The following EPHB1 variants were observed in gnomAD, a reference collection of about 807,000 sequenced individuals.
The protein encoded by EPHB1 is ephrin type-B receptor 1.
Under a neutral mutation model 94.4 loss-of-function variants are expected in EPHB1, and 30 were observed. The ratio of observed to expected loss-of-function variants is 0.32; its 90% CI spans 0.24 to 0.43. EPHB1 has a LOEUF of 0.43. EPHB1 is among the 20% of genes least tolerant of loss of function. EPHB1 has a pLI of 1.00. For synonymous variants in EPHB1, 522 were observed against 489.1 expected (o/e 1.07, Z -0.89); for missense variants, 1,055 against 1,308.3 (o/e 0.81, Z 2.99).
intron 2 of EPHB1, among the ~76,000 whole-genome samples, chr3:134,939,049 A>T (rs547174945): frequency 1.3e-5 from 2 of 152,182 alleles, no homozygotes; most frequent in African/African-American, 4.8e-5. Context: ...GCTTGAAGCC[A>T]CTTTCTCCAC....
At chr3:135,042,830 T>C (rs1936893523) in intron 3 of EPHB1, among the ~76,000 whole-genome samples, 3 of 152,086 alleles carry the variant, frequency 2.0e-5, no homozygotes, top group Admixed American at 2.0e-4. Flanking sequence ...CATGTATGTA[T>C]TTATTTATTT....
intron 3 of EPHB1, among the ~76,000 whole-genome samples, chr3:135,030,964 C>T (rs1016326771): frequency 1.6e-4 from 24 of 152,166 alleles, no homozygotes; most frequent in African/African-American, 5.8e-4. Flanking sequence ...GCGCAGTATT[C>T]GGGTGGGTGT....
intron 2 of EPHB1, among the ~76,000 whole-genome samples, chr3:134,929,184 G>C (rs984832934): frequency 3.1e-4 from 47 of 152,132 alleles, no homozygotes; most frequent in South Asian, 2.1e-4. Flanking sequence ...GCAAGACAGA[G>C]ATAAAGGCAC....
At chr3:135,170,362 G>A (rs1941769932) in intron 9 of EPHB1, among the ~76,000 whole-genome samples, 1 of 152,178 alleles carries the variant, frequency 6.6e-6, no homozygotes, top group Non-Finnish European at 1.5e-5. Flanking sequence ...TTCCTCCTCA[G>A]AACCTGGAGC....
At chr3:135,115,687 A>G (rs1334787651) in intron 4 of EPHB1, among the ~76,000 whole-genome samples, 1 of 151,552 alleles carries the variant, frequency 6.6e-6, no homozygotes, top group African/African-American at 2.4e-5. Context: ...TCTCAGCTCC[A>G]CTCCTTCCTC....
At chr3:135,005,891 A>T (rs936185824) in intron 3 of EPHB1, among the ~76,000 whole-genome samples, 1 of 152,238 alleles carries the variant, frequency 6.6e-6, no homozygotes, top group African/African-American at 2.4e-5. Context: ...CCAGTACCTC[A>T]GATGGAAATG....
At chr3:135,002,044 C>T (rs963328279) in intron 3 of EPHB1, among the ~76,000 whole-genome samples, 14 of 152,024 alleles carry the variant, frequency 9.2e-5, no homozygotes, top group Non-Finnish European at 1.6e-4. Context: ...AGAGATGAAT[C>T]GATAAACAAA....
intron 3 of EPHB1, among the ~76,000 whole-genome samples, chr3:135,045,871 T>C (rs949205985): frequency 6.6e-6 from 1 of 152,242 alleles, no homozygotes; most frequent in Non-Finnish European, 1.5e-5. Flanking sequence ...GGTTTAAGAT[T>C]CCACACTGCA....
At chr3:135,176,188 T>C (rs9873553) in intron 9 of EPHB1, among the ~76,000 whole-genome samples, 149,483 of 152,170 alleles carry the variant, frequency 0.98, 73,433 homozygotes, top group East Asian at 1. Flanking sequence ...GTCACTCTCC[T>C]GATTTAGAAC....
intron 3 of EPHB1, among the ~76,000 whole-genome samples, chr3:135,099,992 C>T (rs1938972655): frequency 6.6e-6 from 1 of 152,162 alleles, no homozygotes. Context: ...CTGAGCTGCA[C>T]CTGCCTTGAG....
At chr3:135,139,251 T>G (rs1382462663) in intron 5 of EPHB1, among the ~76,000 whole-genome samples, 1 of 152,178 alleles carries the variant, frequency 6.6e-6, no homozygotes, top group Admixed American at 6.5e-5. Context: ...CCACTGTGGC[T>G]CCTTGCAGGA....
chr3:134,882,812 T>C (rs1282965117), intron 1 of EPHB1, among the ~76,000 whole-genome samples: 9 of 83,922 alleles, frequency 1.1e-4, no homozygotes, highest in African/African-American at 3.6e-4. Context: ...CTTTCTTTCT[T>C]TCTTTCTTTC....
At chr3:134,883,818 C>G (rs910455225) in intron 1 of EPHB1, among the ~76,000 whole-genome samples, 2 of 152,216 alleles carry the variant, frequency 1.3e-5, no homozygotes, top group African/African-American at 4.8e-5. Flanking sequence ...AGGGCAGATA[C>G]TGCCCTGCCT....
chr3:135,151,383 C>G (rs6764962), intron 5 of EPHB1, among the ~76,000 whole-genome samples: 1 of 152,034 alleles, frequency 6.6e-6, no homozygotes, highest in Non-Finnish European at 1.5e-5. Flanking sequence ...GCTCCAGATA[C>G]CCACTCAGCT....
chr3:134,963,153 C>T (rs1291818964), intron 3 of EPHB1, among the ~76,000 whole-genome samples: 3 of 144,736 alleles, frequency 2.1e-5, no homozygotes. Context: ...TTCCTTCCTT[C>T]CTTCCTTCCT....
intron 15 of EPHB1, among the ~76,000 whole-genome samples, chr3:135,256,910 TC>T (rs1418976516): frequency 6.7e-6 from 1 of 148,332 alleles, no homozygotes; most frequent in Admixed American, 6.7e-5. Context: ...GAGGCTTTGC[TC>T]ATTTCTTTTT....
chr3:135,252,477 G>A (rs1337198162), intron 15 of EPHB1, among the ~76,000 whole-genome samples: 1 of 147,268 alleles, frequency 6.8e-6, no homozygotes, highest in Non-Finnish European at 1.5e-5. Flanking sequence ...TTGGTTTTTT[G>A]TTCTCCCGAT....
rs917282659 is a variant in EPHB1 at position 135,021,497 on chromosome 3, C to T, written c.805+69445C>T. On this transcript the variant is annotated intron_variant, in intron 3 of 15. Transcript: ENST00000398015. ...TGGTTATTTCTGGTATTAAAGAAAT[C>T]TCTCCCCCCACCCCCCACCGGTTTA... 4.0e-5 allele frequency among the ~76,000 whole-genome samples: 6 copies of T among 151,652 alleles called. No individual in the cohort carries two copies. The East Asian group carries it at 1.2e-3, about 29-fold the overall frequency.
At chr3:134,923,513 C>T (rs1344728769) in intron 1 of EPHB1, among the ~76,000 whole-genome samples, 1 of 152,308 alleles carries the variant, frequency 6.6e-6, no homozygotes, top group Non-Finnish European at 1.5e-5. Context: ...TCCTGAGTGC[C>T]ATGTTAGTCT....
Sources: allele counts gnomAD v4.1 joint callset (sites outside exome capture counted in the v4.1 genomes callset), GRCh38; gene constraint gnomAD v4.1.1; transcripts MANE v1.5; gene names NCBI Gene and HGNC (gene_info 2026-07-23, HGNC 2026-07-21).